HS1BP3: variants seen among roughly 807,000 people sequenced by gnomAD.
The protein encoded by HS1BP3 is HCLS1 binding protein 3.
A neutral mutation model predicts 33.5 loss-of-function variants in HS1BP3; 32 were observed. The ratio of observed to expected loss-of-function variants is 0.95; its 90% confidence interval spans 0.72 to 1.28. The LOEUF is 1.28. HS1BP3 is among the 50% of genes most tolerant of loss of function. The pLI is 0.00. For synonymous variants in HS1BP3, 187 were observed against 209.2 expected, an observed-to-expected ratio of 0.89 and a Z score of 0.92; for missense variants, 486 against 502.3, an observed-to-expected ratio of 0.97 and a Z score of 0.31.
At chr2:20,641,829 CT>C (rs1695360954) in intron 2 of HS1BP3, among the ~76,000 whole-genome samples, 1 of 152,208 alleles carries the variant, frequency 6.6e-6, no homozygotes, top group South Asian at 2.1e-4. Flanking sequence ...CTCCCGCTGC[CT>C]CCTTGGCCTC....
At chr2:20,577,865 A>G (rs1693438962) in intron 5 of HS1BP3, among the ~76,000 whole-genome samples, 1 of 152,248 alleles carries the variant, frequency 6.6e-6, no homozygotes, top group African/African-American at 2.4e-5. Context: ...TATACTGATC[A>G]GATCAATGAT....
intron 2 of HS1BP3, among the ~76,000 whole-genome samples, chr2:20,604,489 C>T (rs1694132368): frequency 6.6e-6 from 1 of 152,210 alleles, no homozygotes; most frequent in African/African-American, 2.4e-5. Flanking sequence ...GGCTCAGTGG[C>T]CTCTCAGCCC....
chr2:20,647,962 G>C (rs370882348), intron 1 of HS1BP3, among the ~76,000 whole-genome samples: 48 of 152,292 alleles, frequency 3.2e-4, no homozygotes, highest in African/African-American at 1.2e-3. Flanking sequence ...AACATCCTAG[G>C]CTTCGCTGTC....
At chr2:20,627,073 C>T (rs574653252) in intron 4 of HS1BP3, among the ~76,000 whole-genome samples, 9 of 152,354 alleles carry the variant, frequency 5.9e-5, no homozygotes, top group Admixed American at 1.3e-4. Context: ...CAGCCAGGCT[C>T]GCAGCCACTG....
intron 2 of HS1BP3, 128 bp downstream of exon 2, chr2:20,645,212 G>T: frequency 1.1e-6 from 1 of 900,916 alleles, no homozygotes; most frequent in Non-Finnish European, 1.7e-6. Flanking sequence ...TGGTACTCCA[G>T]GCCCTGAGCA....
rs761614091 is a variant in HS1BP3, at chr2:20,624,714, C to A, written c.784+18G>T. 2.0e-5 allele frequency: 32 copies of A among 1,575,056 alleles called. No individual in the cohort carries two copies. The Admixed American group carries it at 3.6e-4, about 18-fold the overall frequency. ...GCACCGAGAGGACACCAGGAGCAGA[C>A]CATGGGGCTCTACTTACGGTCCACG... On this transcript the variant is annotated intron_variant, in intron 5 of 6. Transcript: ENST00000304031.
chr2:20,624,269 G>A lies in HS1BP3; in HGVS notation c.785-238C>T, dbSNP rs73916922. 5.4e-3 allele frequency among the ~76,000 whole-genome samples: 818 copies of A among 152,300 alleles called. 10 individuals are homozygous for A. Among genetic ancestry groups the A allele is most frequent in the African/African-American group, 0.019 (781 of 41,566 alleles). ...GACAGGGACTAGGTCTCACTCCTCA[G>A]CATGTTCTTGGGCCTGGCCCTCAGT... On this transcript the variant is annotated intron_variant, in intron 5 of 6. Coordinates refer to ENST00000304031, the MANE Select transcript of HS1BP3 (RefSeq NM_022460.4).
chr2:20,618,634 C>T lies in HS1BP3; in HGVS notation c.*353G>A, dbSNP rs1694492628. The T allele has an allele frequency of 5.9e-6, 6 of 1,025,592 alleles. No homozygotes were observed. The East Asian group carries it at 1.8e-4, about 31-fold the overall frequency. 63.5% of individuals were successfully genotyped at this position (1,025,592 alleles called of 1,614,324 possible). On this transcript the variant is annotated 3_prime_UTR_variant, in exon 7 of 7. Coordinates refer to ENST00000304031, the MANE Select transcript of HS1BP3 (RefSeq NM_022460.4). Reference sequence around the variant, plus strand: ...CAGAACCCGTGGGCATGAAGCTTCCCTGCCCCATGTGACACCTCGCTACGG... The same window carrying T: ...CAGAACCCGTGGGCATGAAGCTTCCTTGCCCCATGTGACACCTCGCTACGG...
chr2:20,554,572 A>C, the HS1BP3 span, among the ~76,000 whole-genome samples: 1 of 152,032 alleles, frequency 6.6e-6, no homozygotes, highest in South Asian at 2.1e-4. Flanking sequence ...AAACTATAAA[A>C]ATTGGCCGGG....
chr2:20,641,320 T>G (rs1388888976), intron 2 of HS1BP3, 140 bp from the exon 3 acceptor site: 2 of 694,228 alleles, frequency 2.9e-6, no homozygotes, highest in African/African-American at 3.6e-5. Flanking sequence ...TCTGCCTGTC[T>G]CCCAGCCTCA....
intron 5 of HS1BP3, among the ~76,000 whole-genome samples, chr2:20,571,333 GC>G: frequency 6.6e-6 from 1 of 152,098 alleles, no homozygotes; most frequent in Non-Finnish European, 1.5e-5. Flanking sequence ...CCTAGCAGAG[GC>G]CCCTCCCTCA....
downstream of HS1BP3, among the ~76,000 whole-genome samples, chr2:20,590,557 C>A (rs1230695999): frequency 6.6e-6 from 1 of 152,230 alleles, no homozygotes; most frequent in Non-Finnish European, 1.5e-5. Context: ...CATTAGGTCA[C>A]GTCCCCGTAC....
chr2:20,576,731 A>G (rs1405951246), intron 5 of HS1BP3, among the ~76,000 whole-genome samples: 1 of 152,224 alleles, frequency 6.6e-6, no homozygotes, highest in Non-Finnish European at 1.5e-5. Context: ...TTTTTATTCC[A>G]CAACAGAAAT....
chr2:20,556,324 A>T (rs1692839927), downstream of HS1BP3, among the ~76,000 whole-genome samples: 1 of 152,142 alleles, frequency 6.6e-6, no homozygotes, highest in Admixed American at 6.5e-5. Flanking sequence ...AAACCTTGGT[A>T]TGGTTTTGTT....
At chr2:20,584,133 C>G (rs1280823354) in intron 5 of HS1BP3, among the ~76,000 whole-genome samples, 3 of 152,194 alleles carry the variant, frequency 2.0e-5, no homozygotes, top group Non-Finnish European at 4.4e-5. Context: ...GCTGTGTCCC[C>G]AGAGACTCCC....
At chr2:20,577,790 G>A (rs1057148206) in intron 5 of HS1BP3, among the ~76,000 whole-genome samples, 5 of 152,168 alleles carry the variant, frequency 3.3e-5, no homozygotes, top group African/African-American at 7.2e-5. Context: ...AGTATGAGGG[G>A]GTATTGTCTA....
intron 4 of HS1BP3, chr2:20,636,644 A>C (rs1229544732): frequency 6.6e-6 from 1 of 152,146 alleles, no homozygotes; most frequent in African/African-American, 2.4e-5. Flanking sequence ...AGTACAATAC[A>C]CTTAGTAAGG....
chr2:20,641,078 C>T lies in HS1BP3; in HGVS notation c.301G>A (p.Gly101Arg). The T allele has an allele frequency of 6.2e-7, 1 of 1,614,084 alleles. No homozygotes were observed. Among genetic ancestry groups the T allele is most frequent in the East Asian group, 2.2e-5 (1 of 44,878 alleles). ...PPLPRKVLFVGESDIRERRAV... is the reference protein window; with the variant it reads ...PPLPRKVLFVRESDIRERRAV... Reference sequence around the variant, plus strand: ...CTCCTCTCCCGGATGTCAGACTCCCCAACAAACAGGACCTTCCTGGGTAGT... The same window carrying T: ...CTCCTCTCCCGGATGTCAGACTCCCTAACAAACAGGACCTTCCTGGGTAGT... Residue 101 changes from glycine (G) to arginine (R), a missense_variant, in exon 3 of 7, where the codon GGG becomes AGG. By Grantham distance (125) the Gly-to-Arg change is moderately radical. Coordinates refer to ENST00000304031, the MANE Select transcript of HS1BP3 (RefSeq NM_022460.4).
At chr2:20,597,886 G>A (rs923938106) in intron 3 of HS1BP3, among the ~76,000 whole-genome samples, 1 of 152,142 alleles carries the variant, frequency 6.6e-6, no homozygotes, top group South Asian at 2.1e-4. Context: ...TCTGGGCTGT[G>A]ATGAGAGGGC....
Sources: gnomAD v4.1 joint callset for allele counts (sites outside exome capture counted in the v4.1 genomes callset) on GRCh38, gnomAD v4.1.1 for gene constraint, MANE v1.5 for transcripts, NCBI Gene and HGNC (gene_info 2026-07-23, HGNC 2026-07-21) for gene names.